VMP1: variants seen among roughly 807,000 people sequenced by gnomAD.
VMP1 encodes the protein ectopic P-granules autophagy protein 3 homolog.
VMP1 carries 11 observed loss-of-function variants against 56.0 expected under a neutral mutation model. That is an observed-to-expected ratio of 0.20 (90% CI 0.12 to 0.32). The LOEUF is 0.32. Ranked by LOEUF, VMP1 falls within the 10% of genes least tolerant of loss-of-function variation. The probability of loss-of-function intolerance (pLI) is 1.00; values close to 1 mark genes in which losing one functional copy is unlikely to be tolerated. For missense variants in VMP1, 296 were observed against 490.3 expected, an observed-to-expected ratio of 0.60 and a Z score of 3.74; for synonymous variants, 149 against 165.0, an observed-to-expected ratio of 0.90 and a Z score of 0.74.
intron 10 of VMP1, among the ~76,000 whole-genome samples, chr17:59,831,762 T>C (rs917859524): frequency 1.3e-5 from 2 of 149,214 alleles, no homozygotes; most frequent in African/African-American, 5.0e-5. Context: ...CTGTGTTTTT[T>C]TCTTTAAATA....
intron 8 of VMP1, among the ~76,000 whole-genome samples, chr17:59,810,893 G>C (rs1286698012): frequency 6.6e-6 from 1 of 152,178 alleles, no homozygotes; most frequent in East Asian, 1.9e-4. Flanking sequence ...CTCAAAAACA[G>C]CTTGTGGCTT....
chr17:59,744,051 T>C (rs773717173), intron 5 of VMP1, among the ~76,000 whole-genome samples: 1 of 151,968 alleles, frequency 6.6e-6, no homozygotes, highest in Non-Finnish European at 1.5e-5. Flanking sequence ...ATTTACCAGG[T>C]TGAGGAAGTA....
intron 7 of VMP1, among the ~76,000 whole-genome samples, chr17:59,790,420 T>C (rs994060870): frequency 1.3e-5 from 2 of 152,236 alleles, no homozygotes; most frequent in Non-Finnish European, 2.9e-5. Context: ...TTACTACTTG[T>C]AGTAAAGACT....
chr17:59,739,398 C>A (rs1231069656), intron 5 of VMP1, among the ~76,000 whole-genome samples: 1 of 152,170 alleles, frequency 6.6e-6, no homozygotes, highest in African/African-American at 2.4e-5. Flanking sequence ...GAACTAAATG[C>A]TTTCTTGAGT....
chr17:59,736,002 G>T (rs2035001647), intron 3 of VMP1, among the ~76,000 whole-genome samples: 1 of 152,098 alleles, frequency 6.6e-6, no homozygotes, highest in Admixed American at 6.5e-5. Context: ...GTTATTCTCT[G>T]TACTATTATC....
At chr17:59,753,716 AG>A (rs1468618303) in intron 5 of VMP1, among the ~76,000 whole-genome samples, 3 of 152,328 alleles carry the variant, frequency 2.0e-5, no homozygotes. Context: ...AACTGTAAAG[AG>A]AAGAAAAACG....
At chr17:59,777,777 G>A (rs1157661820) in intron 7 of VMP1, among the ~76,000 whole-genome samples, 1 of 151,964 alleles carries the variant, frequency 6.6e-6, no homozygotes, top group Non-Finnish European at 1.5e-5. Flanking sequence ...TCATGCCACT[G>A]CACTCCAGCC....
At chr17:59,717,941 AT>A (rs2034231714) in intron 1 of VMP1, among the ~76,000 whole-genome samples, 1 of 152,034 alleles carries the variant, frequency 6.6e-6, no homozygotes, top group Non-Finnish European at 1.5e-5. Context: ...AAAAAAAAAA[AT>A]CAGACCCAGG....
At chr17:59,724,999 CAACAAAAATTA>C (rs902590265) in intron 1 of VMP1, among the ~76,000 whole-genome samples, 17 of 128,344 alleles carry the variant, frequency 1.3e-4, no homozygotes, top group Middle Eastern at 9.1e-3. Context: ...ACAAAAAAAA[CAACAAAAATTA>C]GCCAGGTGTG....
At chr17:59,727,180 G>A (rs892137289) in intron 1 of VMP1, among the ~76,000 whole-genome samples, 9 of 151,514 alleles carry the variant, frequency 5.9e-5, no homozygotes, top group Non-Finnish European at 1.3e-4. Flanking sequence ...TCTCGCCCAT[G>A]CTGGAGTGCA....
chr17:59,728,112 A>C (rs1054819336), intron 1 of VMP1, among the ~76,000 whole-genome samples: 1 of 152,218 alleles, frequency 6.6e-6, no homozygotes, highest in Non-Finnish European at 1.5e-5. Context: ...AAAAAGGAGA[A>C]TATTACAGTG....
chr17:59,751,544 C>A (rs1233521213), intron 5 of VMP1, among the ~76,000 whole-genome samples: 1 of 151,272 alleles, frequency 6.6e-6, no homozygotes, highest in East Asian at 2.0e-4. Context: ...GAGTTTGAGA[C>A]CAGCCTGGCC....
rs538958584 is a variant in VMP1 at position 59,819,492 on chromosome 17, G to A, written c.974+1719G>A. Reference sequence around the variant, plus strand: ...GTTGTTGTTTTTGAGACAGAGTCTCGCTCCAGGCTGGAGTGCAGTGGTGCA... The same window carrying A: ...GTTGTTGTTTTTGAGACAGAGTCTCACTCCAGGCTGGAGTGCAGTGGTGCA... On this transcript the variant is annotated intron_variant, in intron 10 of 11. Transcript: ENST00000262291. Among the ~76,000 whole-genome samples the A allele has an allele frequency of 1.1e-4, 16 of 151,968 alleles. 1 individual carries two copies. Among genetic ancestry groups the A allele is most frequent in the African/African-American group, 2.4e-4 (10 of 41,490 alleles).
chr17:59,829,502 C>T (rs117319837), intron 10 of VMP1, among the ~76,000 whole-genome samples: 2 of 152,046 alleles, frequency 1.3e-5, no homozygotes, highest in African/African-American at 4.8e-5. Flanking sequence ...TTGGTTGGTC[C>T]CCAGGGAAAC....
At position 59,752,836 on chromosome 17, in the gene VMP1, A is replaced by G. The variant is rs187411882; in HGVS notation, c.415-12135A>G. Among the ~76,000 whole-genome samples the G allele has an allele frequency of 7.1e-4, 108 of 152,336 alleles. 2 individuals carry two copies. The highest frequency in any genetic ancestry group is 6.8e-3 in the Admixed American group (104 of 15,294). Reference sequence around the variant, plus strand: ...AGGGATTTTTGTTAAGTAGATTTTTAGCTGTTCTTATTTTTAAAAAGTAAC... The same window carrying G: ...AGGGATTTTTGTTAAGTAGATTTTTGGCTGTTCTTATTTTTAAAAAGTAAC... On this transcript the variant is annotated intron_variant, in intron 5 of 11. Coordinates refer to ENST00000262291, the MANE Select transcript of VMP1 (RefSeq NM_030938.5).
intron 5 of VMP1, among the ~76,000 whole-genome samples, chr17:59,743,292 T>C (rs1225221250): frequency 1.3e-5 from 2 of 152,176 alleles, no homozygotes; most frequent in East Asian, 1.9e-4. Context: ...TCACAACCAC[T>C]GATCTTTTTA....
At chr17:59,803,138 A>ACATTCATGAAAG (rs1444413434) in intron 7 of VMP1, among the ~76,000 whole-genome samples, 1 of 152,198 alleles carries the variant, frequency 6.6e-6, no homozygotes, top group Admixed American at 6.6e-5. Flanking sequence ...TACTTCGTAT[A>ACATTCATGAAAG]TTTACATTCA....
intron 7 of VMP1, among the ~76,000 whole-genome samples, chr17:59,796,544 T>G (rs1214397207): frequency 6.6e-6 from 1 of 152,204 alleles, no homozygotes; most frequent in Non-Finnish European, 1.5e-5. Flanking sequence ...TGAAAAAGGT[T>G]TCAATTTTGT....
At chr17:59,744,431 C>T (rs1325767752) in intron 5 of VMP1, among the ~76,000 whole-genome samples, 7 of 142,602 alleles carry the variant, frequency 4.9e-5, no homozygotes, top group Non-Finnish European at 7.5e-5. Flanking sequence ...CACTGCACCC[C>T]GGCCTGGGCA....
Sources: gnomAD v4.1 joint callset for allele counts (sites outside exome capture counted in the v4.1 genomes callset) on GRCh38, gnomAD v4.1.1 for gene constraint, MANE v1.5 for transcripts, NCBI Gene and HGNC (gene_info 2026-07-23, HGNC 2026-07-21) for gene names.